Variants in ZDHHC6 observed in about 807,000 individuals in gnomAD.
ZDHHC6 encodes zDHHC palmitoyltransferase 6, also known as palmitoyltransferase ZDHHC6.
Under a neutral mutation model 57.8 loss-of-function variants are expected in ZDHHC6, and 32 were observed. The ratio of observed to expected loss-of-function variants is 0.55; its 90% CI spans 0.42 to 0.74. ZDHHC6 has a LOEUF of 0.74. Among genes scored for constraint, ZDHHC6 ranks in the 30% least tolerant of loss-of-function variants. ZDHHC6 has a pLI of 0.00. For synonymous variants in ZDHHC6, 128 were observed against 158.0 expected (o/e 0.81, Z 1.42); for missense variants, 433 against 500.7 (o/e 0.86, Z 1.29).
chr10:112,432,295 T>C lies in ZDHHC6; in HGVS notation c.1092-9A>G. On this transcript the variant is annotated splice_polypyrimidine_tract_variant and intron_variant, in intron 9 of 10. Coordinates refer to ENST00000369405, the MANE Select transcript of ZDHHC6 (RefSeq NM_022494.3). The stretch of plus-strand genomic sequence containing the variant: ...CTCCATATAACCAGTATCTGAAATA[T>C]TTAAAAGATGAAAATTAATTTTTTA... 1.0e-5 allele frequency: 16 copies of C among 1,607,798 alleles called. No homozygotes were observed. Among genetic ancestry groups the C allele is most frequent in the Non-Finnish European group, 1.3e-5 (15 of 1,178,318 alleles).
At chr10:112,428,132 G>T (rs971842959), downstream of ZDHHC6, 3 of 286,126 alleles carry the variant, frequency 1.0e-5, no homozygotes, top group African/African-American at 6.5e-5. Context: ...GTGGGGGAAG[G>T]AGTTGACAGG....
downstream of ZDHHC6, chr10:112,427,337 G>A (rs1284154946): frequency 6.2e-7 from 1 of 1,613,282 alleles, no homozygotes; most frequent in Middle Eastern, 1.6e-4. Flanking sequence ...TTGACAGCCT[G>A]TATGAGCACA....
chr10:112,443,641 G>T lies in ZDHHC6; in HGVS notation c.268-35C>A, dbSNP rs373100132. The T allele has an allele frequency of 6.6e-6, 10 of 1,522,116 alleles. No individual in the cohort carries two copies. The African/African-American group carries it at 1.4e-4, about 21-fold the overall frequency. The allele number at this position is 1,522,116 out of a possible 1,614,324, so 94.3% of individuals were successfully genotyped here. A position where few individuals can be genotyped will look rare whatever the true frequency, so the allele number is the denominator to read the frequency against. ...AAAACAGAAACAAAAATGCATCATC[G>T]GATACTTGAATATAAGTATGATTCC... On this transcript the variant is annotated intron_variant, in intron 2 of 10. Transcript: ENST00000369405.
Position 112,430,786 on chromosome 10 carries a change from AT to A in ZDHHC6, c.*17del, listed in dbSNP as rs1844947377. On this transcript the variant is annotated 3_prime_UTR_variant, in exon 11 of 11. Transcript: ENST00000369405. The stretch of plus-strand genomic sequence containing the variant: ...AGTAATTAAGCAGACTTAAAGGATA[AT>A]TTTGTTTTAACAGCAGCTATCTATT... The A allele has an allele frequency of 6.2e-7, 1 of 1,602,322 alleles. No homozygotes were observed. Among genetic ancestry groups the A allele is most frequent in the Non-Finnish European group, 8.5e-7 (1 of 1,171,888 alleles).
rs1013818984 is a variant in ZDHHC6, at chr10:112,445,484, C to T, written c.-48G>A. On this transcript the variant is annotated 5_prime_UTR_variant, in exon 2 of 11. Transcript: ENST00000369405. ...CTACTTTAAAAGAATTATAGATTTC[C>T]TTTTTCTGTGCGCACATTTCCATGT... 2 of 1,586,576 alleles carry T rather than the reference C, an allele frequency of 1.3e-6. No individual in the cohort carries two copies. Among genetic ancestry groups the T allele is most frequent in the African/African-American group, 1.4e-5 (1 of 73,778 alleles).
downstream of ZDHHC6, chr10:112,425,525 T>C (rs375575991): frequency 5.4e-6 from 8 of 1,488,548 alleles, no homozygotes; most frequent in African/African-American, 8.6e-5. Context: ...TCACAAACCA[T>C]GCTGGTTCTT....
intron 10 of ZDHHC6, 89 bp from the exon 11 acceptor site, chr10:112,430,996 T>G: frequency 9.2e-7 from 1 of 1,091,988 alleles, no homozygotes; most frequent in Non-Finnish European, 1.4e-6. Context: ...TTCAAATTAA[T>G]AAGCTTGTAG....
chr10:112,437,064 G>T (rs1361467695), intron 6 of ZDHHC6, among the ~76,000 whole-genome samples: 1 of 151,978 alleles, frequency 6.6e-6, no homozygotes, highest in African/African-American at 2.4e-5. Context: ...CGAACAGTCA[G>T]GCAGTCACTT....
At chr10:112,434,994 G>T (rs12098576) in intron 6 of ZDHHC6, among the ~76,000 whole-genome samples, 21,678 of 152,228 alleles carry the variant, frequency 0.14, 1,680 homozygotes, top group Middle Eastern at 0.21. Flanking sequence ...TAACAGGAGA[G>T]CTGTTTTATG....
At chr10:112,429,722 G>C (rs1017594617), downstream of ZDHHC6, among the ~76,000 whole-genome samples, 1 of 152,216 alleles carries the variant, frequency 6.6e-6, no homozygotes, top group Non-Finnish European at 1.5e-5. Context: ...TACATGAGTA[G>C]TTTGATATCA....
chr10:112,445,636 G>A lies in ZDHHC6; in HGVS notation c.-200C>T. ...CTTAACTAGGAGAATCCAGTGTCTTGGTCTGAAACCCAACCTAAAGAAAAC... is the reference window on the plus strand; with the variant it reads ...CTTAACTAGGAGAATCCAGTGTCTTAGTCTGAAACCCAACCTAAAGAAAAC... On this transcript the variant is annotated 5_prime_UTR_variant, in exon 2 of 11. Coordinates refer to ENST00000369405, the MANE Select transcript of ZDHHC6 (RefSeq NM_022494.3). The A allele has an allele frequency of 1.1e-5, 7 of 609,264 alleles. No homozygotes were observed. The highest frequency in any genetic ancestry group is 5.7e-5 in the South Asian group (2 of 35,364). 37.7% of individuals were successfully genotyped at this position (609,264 alleles called of 1,614,324 possible).
rs1270641600 is a variant in ZDHHC6 at position 112,445,362 on chromosome 10, G to A, written c.75C>T (p.Ile25=). The change falls in exon 2 of 11, where the codon ATC becomes ATT. Residue 25 remains isoleucine, a synonymous_variant. Coordinates refer to ENST00000369405, the MANE Select transcript of ZDHHC6 (RefSeq NM_022494.3). ...ATATTGCTATAACACCAAGGGCTAT[G>A]ATGGGACCCCAGTGACACAGTCTCT... ...ELKRLCHWGP[I]IALGVIAICS... The A allele has an allele frequency of 1.2e-6, 2 of 1,614,210 alleles. No homozygotes were observed. The highest frequency in any genetic ancestry group is 2.7e-5 in the African/African-American group (2 of 75,058).
intron 5 of ZDHHC6, 141 bp downstream of exon 5, chr10:112,440,393 A>C: frequency 2.2e-6 from 2 of 918,788 alleles, no homozygotes; most frequent in Non-Finnish European, 3.2e-6. Context: ...GACGAATACA[A>C]AGGAGATTAG....
intron 7 of ZDHHC6, 47 bp from the exon 8 acceptor site, chr10:112,433,328 T>C (rs1343531794): frequency 2.7e-6 from 4 of 1,473,016 alleles, no homozygotes; most frequent in Non-Finnish European, 3.6e-6. Context: ...CTTGTCTCAA[T>C]GTTGAAAAAT....
rs560422983 is a variant in ZDHHC6, at chr10:112,437,835, G to A, written c.735+501C>T. On this transcript the variant is annotated intron_variant, in intron 6 of 10. Coordinates refer to ENST00000369405, the MANE Select transcript of ZDHHC6 (RefSeq NM_022494.3). Reference sequence around the variant, plus strand: ...CAACCCCTGCCACAGGAATGGTGAGGCTCTGAGAAGTTTTAAACACAGAGC... The same window carrying A: ...CAACCCCTGCCACAGGAATGGTGAGACTCTGAGAAGTTTTAAACACAGAGC... 2.0e-5 allele frequency among the ~76,000 whole-genome samples: 3 copies of A among 152,176 alleles called. No individual in the cohort carries two copies. In the South Asian group the frequency reaches 6.2e-4, roughly 32 times the overall value.
At chr10:112,439,642 A>T in intron 5 of ZDHHC6, among the ~76,000 whole-genome samples, 1 of 122,264 alleles carries the variant, frequency 8.2e-6, no homozygotes, top group South Asian at 2.7e-4. Context: ...AAAAAAAAAA[A>T]AAAAAAAAAA....
chr10:112,438,490 T>C, intron 5 of ZDHHC6, 101 bp from the exon 6 acceptor site: 2 of 917,004 alleles, frequency 2.2e-6, no homozygotes, highest in Non-Finnish European at 3.0e-6. Flanking sequence ...CTCCATTCCA[T>C]AGACAAAGAT....
chr10:112,446,914 TC>T (rs981393892), upstream of ZDHHC6: 5 of 200,458 alleles, frequency 2.5e-5, no homozygotes, highest in Middle Eastern at 1.8e-3. Flanking sequence ...GCCAGGACTC[TC>T]CCGCTCAGGC....
chr10:112,427,012 G>A (rs1844751884), downstream of ZDHHC6, among the ~76,000 whole-genome samples: 1 of 152,148 alleles, frequency 6.6e-6, no homozygotes, highest in Admixed American at 6.5e-5. Flanking sequence ...TACTTGTACA[G>A]CGCCCTTTTT....
Sources: allele counts gnomAD v4.1 joint callset (sites outside exome capture counted in the v4.1 genomes callset), GRCh38; gene constraint gnomAD v4.1.1; transcripts MANE v1.5; gene names NCBI Gene and HGNC (gene_info 2026-07-23, HGNC 2026-07-21).